CCSER1: variants seen among roughly 807,000 people sequenced by gnomAD.
The protein encoded by CCSER1 is coiled-coil serine rich protein 1, also known as serine-rich coiled-coil domain-containing protein 1.
Under a neutral mutation model 82.0 loss-of-function variants are expected in CCSER1, and 41 were observed. The ratio of observed to expected loss-of-function variants is 0.50; its 90% confidence interval spans 0.39 to 0.65. The LOEUF (loss-of-function observed/expected upper bound fraction) is 0.65, where lower values mean the gene tolerates loss of function less well. Ranked by LOEUF, CCSER1 falls within the 30% of genes least tolerant of loss-of-function variation. The pLI, the probability that CCSER1 is intolerant of heterozygous loss-of-function variation, is 0.00. For missense variants in CCSER1, 1,119 were observed against 1,064.2 expected (o/e 1.05, Z -0.72); for synonymous variants, 414 against 383.9 (o/e 1.08, Z -0.92).
At chr4:90,719,047 GGCCACGGACCAC>G (rs1742196364) in intron 6 of CCSER1, among the ~76,000 whole-genome samples, 1 of 151,802 alleles carries the variant, frequency 6.6e-6, no homozygotes, top group Non-Finnish European at 1.5e-5. Context: ...TCAACTTCCT[GGCCACGGACCAC>G]TGGTCCGTGG....
At chr4:90,140,586 G>C (rs138073975) in intron 1 of CCSER1, among the ~76,000 whole-genome samples, 1 of 151,366 alleles carries the variant, frequency 6.6e-6, no homozygotes, top group Non-Finnish European at 1.5e-5. Context: ...CATGTACACA[G>C]GTATGTAGTA....
intron 1 of CCSER1, among the ~76,000 whole-genome samples, chr4:90,248,607 C>T (rs184496312): frequency 6.6e-6 from 1 of 152,254 alleles, no homozygotes; most frequent in Admixed American, 6.5e-5. Flanking sequence ...TGCTACTTCT[C>T]TGCTACATCT....
intron 6 of CCSER1, among the ~76,000 whole-genome samples, chr4:90,670,087 T>C (rs1248439839): frequency 6.6e-6 from 1 of 152,168 alleles, no homozygotes; most frequent in Non-Finnish European, 1.5e-5. Context: ...TGTCATGTCT[T>C]AATTTAAGAA....
chr4:90,362,241 A>G (rs1025055764), intron 3 of CCSER1, among the ~76,000 whole-genome samples: 2 of 152,214 alleles, frequency 1.3e-5, no homozygotes, highest in South Asian at 2.1e-4. Context: ...ACTGTCATGC[A>G]TGGTAAAATC....
chr4:90,458,638 A>G (rs1185599326), intron 4 of CCSER1, among the ~76,000 whole-genome samples: 1 of 152,088 alleles, frequency 6.6e-6, no homozygotes, highest in Non-Finnish European at 1.5e-5. Flanking sequence ...TAAAGGCGTG[A>G]GCCACCATGC....
chr4:90,429,873 G>A (rs984397054), intron 4 of CCSER1, among the ~76,000 whole-genome samples: 4 of 151,832 alleles, frequency 2.6e-5, no homozygotes, highest in Non-Finnish European at 3.0e-5. Flanking sequence ...TAGAGTGAAG[G>A]TAGTAGAGAT....
intron 9 of CCSER1, among the ~76,000 whole-genome samples, chr4:90,999,416 T>C (rs1481444584): frequency 1.3e-5 from 2 of 152,216 alleles, no homozygotes; most frequent in African/African-American, 4.8e-5. Flanking sequence ...TTTTTAATAA[T>C]AGCCATTCTT....
chr4:90,588,795 C>T (rs1224147953), intron 5 of CCSER1, among the ~76,000 whole-genome samples: 1 of 152,158 alleles, frequency 6.6e-6, no homozygotes, highest in African/African-American at 2.4e-5. Flanking sequence ...GCTCTCATTT[C>T]TGTCTTGCCT....
intron 10 of CCSER1, among the ~76,000 whole-genome samples, chr4:91,182,252 T>C (rs1734108516): frequency 6.6e-6 from 1 of 152,220 alleles, no homozygotes; most frequent in South Asian, 2.1e-4. Flanking sequence ...CTTGATGGTA[T>C]CCAAATTGGC....
intron 9 of CCSER1, among the ~76,000 whole-genome samples, chr4:91,039,669 A>G (rs940450442): frequency 2.0e-5 from 3 of 151,084 alleles, no homozygotes; most frequent in Admixed American, 1.3e-4. Context: ...ATATATTTAT[A>G]ATGAGTATAT....
chr4:91,130,389 G>A (rs974148439), intron 10 of CCSER1, among the ~76,000 whole-genome samples: 1 of 151,664 alleles, frequency 6.6e-6, no homozygotes, highest in Non-Finnish European at 1.5e-5. Flanking sequence ...TAAATGTATT[G>A]TATTCTCTGT....
chr4:90,158,710 C>T (rs989808633), intron 1 of CCSER1, among the ~76,000 whole-genome samples: 5 of 152,180 alleles, frequency 3.3e-5, no homozygotes, highest in African/African-American at 2.4e-5. Flanking sequence ...ACTGCTGCGC[C>T]GTTTTTTAAG....
At chr4:91,530,191 G>A (rs1760952200) in intron 10 of CCSER1, among the ~76,000 whole-genome samples, 1 of 152,028 alleles carries the variant, frequency 6.6e-6, no homozygotes, top group African/African-American at 2.4e-5. Flanking sequence ...AGAGGCATGT[G>A]CTTTTATTAA....
intron 5 of CCSER1, among the ~76,000 whole-genome samples, chr4:90,560,521 T>G (rs1778642928): frequency 6.6e-6 from 1 of 152,146 alleles, no homozygotes; most frequent in African/African-American, 2.4e-5. Context: ...TTTCCAGGAA[T>G]TTTTATTCAT....
chr4:90,469,517 C>G (rs1764066464), intron 5 of CCSER1, among the ~76,000 whole-genome samples: 1 of 124,608 alleles, frequency 8.0e-6, no homozygotes, highest in Non-Finnish European at 1.6e-5. Context: ...AATGTGTTTT[C>G]CTGCAAAACA....
At chr4:90,892,324 CTT>C (rs1723081234) in intron 8 of CCSER1, among the ~76,000 whole-genome samples, 2 of 151,934 alleles carry the variant, frequency 1.3e-5, no homozygotes, top group African/African-American at 4.8e-5. Context: ...CTTTTTAAAA[CTT>C]TGACTAGATT....
At chr4:91,587,117 T>C (rs905957175) in intron 10 of CCSER1, among the ~76,000 whole-genome samples, 7 of 151,726 alleles carry the variant, frequency 4.6e-5, no homozygotes, top group African/African-American at 1.7e-4. Context: ...TTGCCCAGTA[T>C]ACTCAACATA....
chr4:90,341,637 G>C (rs771301918), intron 3 of CCSER1, among the ~76,000 whole-genome samples: 1 of 151,050 alleles, frequency 6.6e-6, no homozygotes, highest in Non-Finnish European at 1.5e-5. Context: ...ATACTGCATT[G>C]TGTTTTATGA....
intron 10 of CCSER1, among the ~76,000 whole-genome samples, chr4:91,220,477 T>C (rs1581793190): frequency 6.6e-6 from 1 of 152,204 alleles, no homozygotes; most frequent in Non-Finnish European, 1.5e-5. Context: ...TGCTAAGAGC[T>C]AGAATACAAT....
Sources: allele counts gnomAD v4.1 joint callset (sites outside exome capture counted in the v4.1 genomes callset), GRCh38; gene constraint gnomAD v4.1.1; transcripts MANE v1.5; gene names NCBI Gene and HGNC (gene_info 2026-07-23, HGNC 2026-07-21).